Variants in COL4A5 observed in about 807,000 individuals in gnomAD.
COL4A5 encodes collagen type IV alpha 5 chain, also known as collagen alpha-5(IV) chain.
A neutral mutation model predicts 130.2 loss-of-function variants in COL4A5; 26 were observed. That is an observed-to-expected ratio of 0.20 (90% confidence interval 0.15 to 0.28). The LOEUF is 0.28. Ranked by LOEUF, COL4A5 falls within the 10% of genes least tolerant of loss-of-function variation. The pLI, the probability that COL4A5 is intolerant of heterozygous loss-of-function variation, is 1.00. For missense variants in COL4A5, 1,131 were observed against 1,344.3 expected, an observed-to-expected ratio of 0.84 and a Z score of 2.48; for synonymous variants, 496 against 439.6, an observed-to-expected ratio of 1.13 and a Z score of -1.60.
In COL4A5 at chrX:108,581,041, G is replaced by A; in HGVS notation, c.936+14G>A. The A allele has an allele frequency of 8.3e-7, 1 of 1,198,616 alleles. No homozygotes were observed. Among genetic ancestry groups the A allele is most frequent in the Non-Finnish European group, 1.1e-6 (1 of 883,767 alleles). On this transcript the variant is annotated intron_variant, in intron 16 of 52. Transcript: ENST00000328300. ...CCAGGAATTCCTGTAAGTAGCTAAG[G>A]TTCTTTCCCCCTGCAAAACTGGAGA... is the stretch of plus-strand genomic sequence containing the variant.
At chrX:108,591,933 T>C (rs1345307684) in intron 21 of COL4A5, among the ~76,000 whole-genome samples, 1 of 111,559 alleles carries the variant, frequency 9.0e-6, no homozygotes, top group Non-Finnish European at 1.9e-5. Flanking sequence ...TGATGTCCTT[T>C]CTTCCCTCTT....
chrX:108,505,855 A>T (rs927964852), intron 1 of COL4A5, among the ~76,000 whole-genome samples: 1 of 112,731 alleles, frequency 8.9e-6, no homozygotes, highest in Admixed American at 9.3e-5. Context: ...TTTGGTTATC[A>T]AGTGATACTG....
At chrX:108,461,390 A>G (rs2064649797) in intron 1 of COL4A5, among the ~76,000 whole-genome samples, 1 of 111,693 alleles carries the variant, frequency 9.0e-6, no homozygotes, top group Non-Finnish European at 1.9e-5. Flanking sequence ...GTTCAAAATC[A>G]GATCTTTCTG....
chrX:108,578,951 T>A (rs2066200146), intron 13 of COL4A5, among the ~76,000 whole-genome samples: 1 of 111,679 alleles, frequency 9.0e-6, no homozygotes, highest in Non-Finnish European at 1.9e-5. Context: ...GTGTTGGGAT[T>A]TCAGGCATAA....
At chrX:108,598,366 A>G (rs896679220) in intron 24 of COL4A5, among the ~76,000 whole-genome samples, 5 of 111,929 alleles carry the variant, frequency 4.5e-5, no homozygotes, top group African/African-American at 1.6e-4. Flanking sequence ...CACACAGCCC[A>G]GGATATTTAG....
intron 36 of COL4A5, among the ~76,000 whole-genome samples, chrX:108,647,047 C>T (rs1244648789): frequency 9.0e-6 from 1 of 110,864 alleles, no homozygotes; most frequent in African/African-American, 3.3e-5. Flanking sequence ...TGGCTTAGGA[C>T]TGACTTGGTG....
intron 44 of COL4A5, among the ~76,000 whole-genome samples, chrX:108,679,846 A>G (rs2068389925): frequency 8.9e-6 from 1 of 112,075 alleles, no homozygotes; most frequent in Non-Finnish European, 1.9e-5. Context: ...GTTACCTTTC[A>G]TTAAGTACAC....
chrX:108,480,959 G>C (rs2064884014), intron 1 of COL4A5, among the ~76,000 whole-genome samples: 1 of 111,715 alleles, frequency 9.0e-6, no homozygotes, highest in African/African-American at 3.3e-5. Context: ...CTTCCATTTG[G>C]CCTTTTCCAC....
intron 37 of COL4A5, among the ~76,000 whole-genome samples, chrX:108,663,445 G>A (rs760081897): frequency 8.9e-5 from 10 of 111,776 alleles, no homozygotes; most frequent in Admixed American, 2.9e-4. Context: ...AAATTGTTTG[G>A]AAGCCATTAT....
chrX:108,680,497 T>A (rs1449292940), intron 44 of COL4A5, among the ~76,000 whole-genome samples, 182 bp from the exon 45 acceptor site: 1 of 111,230 alleles, frequency 9.0e-6, no homozygotes, highest in African/African-American at 3.3e-5. Flanking sequence ...AAACTATGAA[T>A]CAAGGAGGTT....
At chrX:108,498,059 T>C (rs1022121663) in intron 1 of COL4A5, among the ~76,000 whole-genome samples, 1 of 111,727 alleles carries the variant, frequency 9.0e-6, no homozygotes, top group Non-Finnish European at 1.9e-5. Flanking sequence ...TGCTTTCTGC[T>C]GCCTAACAAA....
chrX:108,695,106 A>C (rs1378931205), intron 51 of COL4A5, 161 bp from the exon 52 acceptor site: 1 of 707,873 alleles, frequency 1.4e-6, no homozygotes, highest in Non-Finnish European at 2.2e-6. Flanking sequence ...TCTGCCTATT[A>C]CTTTTTTTTG....
At chrX:108,460,090 C>G (rs1337963205) in intron 1 of COL4A5, among the ~76,000 whole-genome samples, 1 of 111,714 alleles carries the variant, frequency 9.0e-6, no homozygotes, top group African/African-American at 3.3e-5. Context: ...TGGCCTTACA[C>G]ATTTTGAGTT....
rs192680150 is a variant in COL4A5, at chrX:108,622,284, A to G, written c.2767+392A>G. The stretch of plus-strand genomic sequence containing the variant: ...GCTGGGAGTACAGGCGCCTGCCACC[A>G]CGCCCGGCTAATATTTTTTTGTATT... On this transcript the variant is annotated intron_variant, in intron 32 of 52. Coordinates refer to ENST00000328300, the MANE Select transcript of COL4A5 (RefSeq NM_033380.3). Among the ~76,000 whole-genome samples the G allele has an allele frequency of 4.4e-3, 487 of 110,089 alleles. 3 individuals are homozygous for G. Among genetic ancestry groups the G allele is most frequent in the Non-Finnish European group, 6.5e-3 (343 of 52,692 alleles).
intron 47 of COL4A5, among the ~76,000 whole-genome samples, chrX:108,684,559 G>A (rs920429896): frequency 8.9e-6 from 1 of 112,301 alleles, no homozygotes; most frequent in African/African-American, 3.2e-5. Flanking sequence ...CCAGGAAGAA[G>A]TCGAATCCTT....
intron 2 of COL4A5, among the ~76,000 whole-genome samples, chrX:108,544,743 C>CT (rs1391810342): frequency 9.0e-6 from 1 of 110,681 alleles, no homozygotes; most frequent in African/African-American, 3.3e-5. Context: ...TGGTCCTGGA[C>CT]TTTTTTTGGT....
rs138048238 is a variant in COL4A5 at position 108,599,655 on chromosome X, C to T, written c.1948+785C>T. ...CTTCTCTAGGGCAAGAGTTGGCACA[C>T]TACAGAACTACAGTCCATGGACCAC... On this transcript the variant is annotated intron_variant, in intron 25 of 52. Transcript: ENST00000328300. Among the ~76,000 whole-genome samples, 958 of 111,899 alleles carry T rather than the reference C, an allele frequency of 8.6e-3. 9 individuals are homozygous for T. Among genetic ancestry groups the T allele is most frequent in the Middle Eastern group, 0.014 (3 of 218 alleles).
At chrX:108,647,375 C>G (rs1388558918) in intron 36 of COL4A5, among the ~76,000 whole-genome samples, 1 of 111,257 alleles carries the variant, frequency 9.0e-6, no homozygotes, top group Non-Finnish European at 1.9e-5. Flanking sequence ...TGATTTGGCT[C>G]TCTGTTTGTC....
In COL4A5 at chrX:108,518,268, G is replaced by A. The variant is rs1006379613; in HGVS notation, c.82-21478G>A. ...AGGTCCCATTTCACTATTTCCAAATGGTATCCAAAAGTACTTGTAAATAAA... is the reference window on the plus strand; with the variant it reads ...AGGTCCCATTTCACTATTTCCAAATAGTATCCAAAAGTACTTGTAAATAAA... On this transcript the variant is annotated intron_variant, in intron 1 of 52. Coordinates refer to ENST00000328300, the MANE Select transcript of COL4A5 (RefSeq NM_033380.3). Among the ~76,000 whole-genome samples, 7 of 111,136 alleles carry A rather than the reference G, an allele frequency of 6.3e-5. No homozygotes were observed. The Admixed American group carries it at 6.7e-4, about 11-fold the overall frequency.
Sources: allele counts gnomAD v4.1 joint callset (sites outside exome capture counted in the v4.1 genomes callset), GRCh38; gene constraint gnomAD v4.1.1; transcripts MANE v1.5; gene names NCBI Gene and HGNC (gene_info 2026-07-23, HGNC 2026-07-21).